Variants in SPATA13 observed in about 807,000 individuals in gnomAD.
SPATA13 encodes the protein spermatogenesis associated 13.
Under a neutral mutation model 104.0 loss-of-function variants are expected in SPATA13, and 50 were observed. The observed-to-expected ratio is 0.48, with a 90% confidence interval of 0.38 to 0.61. The LOEUF is 0.61. Among genes scored for constraint, SPATA13 ranks in the 20% least tolerant of loss-of-function variants. SPATA13 has a pLI of 0.00. For synonymous variants in SPATA13, 606 were observed against 667.5 expected, an observed-to-expected ratio of 0.91 and a Z score of 1.42; for missense variants, 1,524 against 1,690.6, an observed-to-expected ratio of 0.90 and a Z score of 1.73.
intron 1 of SPATA13, among the ~76,000 whole-genome samples, chr13:23,983,203 G>A (rs985441248): frequency 1.7e-4 from 26 of 151,832 alleles, no homozygotes; most frequent in African/African-American, 5.6e-4. Flanking sequence ...GCTGGGGGCT[G>A]GTAGTCCGAG....
At chr13:24,232,222 G>T (rs1254358738) in intron 2 of SPATA13, among the ~76,000 whole-genome samples, 2 of 152,208 alleles carry the variant, frequency 1.3e-5, no homozygotes, top group Non-Finnish European at 2.9e-5. Flanking sequence ...GGAGTCCGAA[G>T]GCCCAAGAAC....
intron 1 of SPATA13, among the ~76,000 whole-genome samples, chr13:24,183,445 T>C (rs1449490130): frequency 6.6e-6 from 1 of 152,214 alleles, no homozygotes; most frequent in Non-Finnish European, 1.5e-5. Flanking sequence ...AAACGCTTTC[T>C]ATGTTGTAAG....
intron 3 of SPATA13, among the ~76,000 whole-genome samples, chr13:24,144,222 G>A (rs1881856171): frequency 6.6e-6 from 1 of 152,156 alleles, no homozygotes; most frequent in South Asian, 2.1e-4. Context: ...GTCAGGACTT[G>A]GATCCAGTCT....
At chr13:23,983,402 A>T (rs563472184) in intron 1 of SPATA13, among the ~76,000 whole-genome samples, 1 of 152,184 alleles carries the variant, frequency 6.6e-6, no homozygotes, top group African/African-American at 2.4e-5. Context: ...AATTACCGCT[A>T]TGAAGGCCCT....
At chr13:24,202,589 C>CT (rs11396232) in intron 1 of SPATA13, among the ~76,000 whole-genome samples, 76,486 of 123,676 alleles carry the variant, frequency 0.62, 23,325 homozygotes, top group South Asian at 0.81. Context: ...GTTCCTGTGA[C>CT]TTTTTTTTTT....
chr13:24,280,234 G>A (rs1436202900), intron 4 of SPATA13, among the ~76,000 whole-genome samples: 1 of 152,196 alleles, frequency 6.6e-6, no homozygotes, highest in African/African-American at 2.4e-5. Context: ...TTTCCAGTCC[G>A]TGTCTCTGTC....
rs1882434514 is a variant in SPATA13 at position 24,160,726 on chromosome 13, G to A, written c.-318G>A. ...GCTGGGGCGTGGCTTGGCTGAGTGT[G>A]CTGCCGCGGCGCGGGAGGAGAGTGT... On this transcript the variant is annotated 5_prime_UTR_variant, in exon 1 of 13. Transcript: ENST00000382108. 1.0e-6 allele frequency: 1 copy of A among 985,732 alleles called. No homozygotes were observed. Among genetic ancestry groups the A allele is most frequent in the South Asian group, 4.7e-5 (1 of 21,296 alleles). 61.1% of individuals were successfully genotyped at this position (985,732 alleles called of 1,614,324 possible). A position where few individuals can be genotyped will look rare whatever the true frequency, so the allele number is the denominator to read the frequency against.
intron 3 of SPATA13, chr13:24,122,345 T>G (rs1412450407): frequency 6.6e-7 from 1 of 1,505,126 alleles, no homozygotes; most frequent in Non-Finnish European, 9.2e-7. Context: ...GCTTTAAATA[T>G]CTGATACACA....
Position 24,224,414 on chromosome 13 carries a change from C to G in SPATA13, c.1485C>G (p.Ser495=). The change falls in exon 2 of 13, where the codon TCC becomes TCG. Residue 495 remains serine (S), a synonymous_variant. Coordinates refer to ENST00000382108, the MANE Select transcript of SPATA13 (RefSeq NM_001166271.3). ...ASCHSNHSAL[S]ANSEESEGRA... Reference sequence around the variant, plus strand: ...GTCACAGCAATCACAGTGCCCTGTCCGCGAATTCAGAGGAAAGTGAAGGAA... The same window carrying G: ...GTCACAGCAATCACAGTGCCCTGTCGGCGAATTCAGAGGAAAGTGAAGGAA... 6.4e-7 allele frequency: 1 copy of G among 1,551,688 alleles called. No individual in the cohort carries two copies. The highest frequency in any genetic ancestry group is 8.7e-7 in the Non-Finnish European group (1 of 1,147,006).
At chr13:24,283,503 A>G (rs1200512762) in intron 4 of SPATA13, among the ~76,000 whole-genome samples, 1 of 152,228 alleles carries the variant, frequency 6.6e-6, no homozygotes, top group Non-Finnish European at 1.5e-5. Context: ...AGGGTGGCTC[A>G]TTTTCCCAAG....
intron 3 of SPATA13, among the ~76,000 whole-genome samples, chr13:24,048,150 C>T (rs927072576): frequency 1.3e-5 from 2 of 152,196 alleles, no homozygotes; most frequent in Non-Finnish European, 2.9e-5. Flanking sequence ...CCTCAACACA[C>T]CCCAGAAATA....
At chr13:24,176,222 C>T (rs886827024) in intron 1 of SPATA13, among the ~76,000 whole-genome samples, 4 of 152,178 alleles carry the variant, frequency 2.6e-5, no homozygotes, top group Non-Finnish European at 5.9e-5. Flanking sequence ...GTTACTTATG[C>T]CTGTCTTTTC....
chr13:23,983,924 G>A, exon 2 of SPATA13: 1 of 985,446 alleles, frequency 1.0e-6, no homozygotes, highest in Non-Finnish European at 1.2e-6. Flanking sequence ...CAAACATCCT[G>A]GCCGTGAAGG....
intron 3 of SPATA13, among the ~76,000 whole-genome samples, chr13:24,050,631 G>GC (rs1202288599): frequency 1.4e-4 from 21 of 152,208 alleles, no homozygotes; most frequent in Middle Eastern, 3.2e-3. Flanking sequence ...TCCACAAGAG[G>GC]CGAAGGCATT....
rs1877077933 is a variant in SPATA13 at position 24,300,085 on chromosome 13, T to A, written c.3584-316T>A. 2.6e-5 allele frequency among the ~76,000 whole-genome samples: 4 copies of A among 152,200 alleles called. No homozygotes were observed. In the South Asian group the frequency reaches 8.3e-4, roughly 31 times the overall value. On this transcript the variant is annotated intron_variant, in intron 11 of 12. Coordinates refer to ENST00000382108, the MANE Select transcript of SPATA13 (RefSeq NM_001166271.3). ...TTCTGGGGCCTCATCCTTTAGGTTA[T>A]AATTGGGATGACCCTGTGGGAATAT...
chr13:24,026,087 T>C (rs1378527103), intron 3 of SPATA13, among the ~76,000 whole-genome samples: 1 of 152,172 alleles, frequency 6.6e-6, no homozygotes, highest in Non-Finnish European at 1.5e-5. Context: ...TTTACTGGGT[T>C]GCTAGTTCAT....
At chr13:24,120,660 A>G (rs1881004602) in intron 3 of SPATA13, among the ~76,000 whole-genome samples, 1 of 152,218 alleles carries the variant, frequency 6.6e-6, no homozygotes, top group Non-Finnish European at 1.5e-5. Flanking sequence ...TGAAATATTA[A>G]TGCTTATGAA....
At chr13:24,284,896 C>G (rs987692156) in intron 5 of SPATA13, among the ~76,000 whole-genome samples, 2 of 152,156 alleles carry the variant, frequency 1.3e-5, no homozygotes, top group Non-Finnish European at 2.9e-5. Flanking sequence ...ACATTTTCAT[C>G]AACGCTCTAA....
At chr13:24,093,757 A>G (rs1879980192) in intron 3 of SPATA13, among the ~76,000 whole-genome samples, 1 of 152,214 alleles carries the variant, frequency 6.6e-6, no homozygotes, top group African/African-American at 2.4e-5. Flanking sequence ...TTTAAGAACC[A>G]AAAGGCAGGA....
Sources: gnomAD v4.1 joint callset for allele counts (sites outside exome capture counted in the v4.1 genomes callset) on GRCh38, gnomAD v4.1.1 for gene constraint, MANE v1.5 for transcripts, NCBI Gene and HGNC (gene_info 2026-07-23, HGNC 2026-07-21) for gene names.